The following NPHP4 variants were observed in gnomAD, a reference collection of about 807,000 sequenced individuals.
NPHP4 encodes nephrocystin 4, also known as nephrocystin-4.
NPHP4 carries 151 observed loss-of-function variants against 155.8 expected under a neutral mutation model. That is an observed-to-expected ratio of 0.97 (90% CI 0.85 to 1.11). The LOEUF is 1.11. Ranked by LOEUF, NPHP4 falls within the 50% of genes least tolerant of loss-of-function variation. NPHP4 has a pLI of 0.00. For missense variants in NPHP4, 1,956 were observed against 1,925.7 expected (o/e 1.02, Z -0.29); for synonymous variants, 845 against 816.8 (o/e 1.03, Z -0.59).
chr1:5,934,571 C>T (rs1646439959), intron 9 of NPHP4, among the ~76,000 whole-genome samples: 1 of 152,176 alleles, frequency 6.6e-6, no homozygotes, highest in Admixed American at 6.5e-5. Context: ...GACAGCTGCA[C>T]CCTTCAGGGG....
rs55734317 is a variant in NPHP4, at chr1:5,964,941, AT to A, written c.517+2357del. Among the ~76,000 whole-genome samples, 9 of 59,428 alleles carry A rather than the reference AT, an allele frequency of 1.5e-4. 1 individual carries two copies. Among genetic ancestry groups the A allele is most frequent in the South Asian group, 1.0e-3 (2 of 1,932 alleles). The allele number at this position is 59,428 out of a possible 152,430, so 39.0% of individuals were successfully genotyped here. A position where few individuals can be genotyped will look rare whatever the true frequency, so the allele number is the denominator to read the frequency against. ...ATTATATATATATATATATATATAT[AT>A]TTTTTTTTTTTGAGGCAGGGTCTCA... On this transcript the variant is annotated intron_variant, in intron 5 of 29. Transcript: ENST00000378156.
rs1167385413 is a variant in NPHP4, at chr1:5,944,808, A to T, written c.1119+2296T>A. Among the ~76,000 whole-genome samples, 2 of 152,184 alleles carry T rather than the reference A, an allele frequency of 1.3e-5. No individual in the cohort carries two copies. Among genetic ancestry groups the T allele is most frequent in the African/African-American group, 4.8e-5 (2 of 41,434 alleles). On this transcript the variant is annotated intron_variant, in intron 9 of 29. Coordinates refer to ENST00000378156, the MANE Select transcript of NPHP4 (RefSeq NM_015102.5). The surrounding 1 kb of genome is among the most constrained non-coding windows in gnomAD (Gnocchi z 4.3). ...AACGTGGGAAAACCCCGTCTCTATT[A>T]AAAATACAAAAATTAGCTGGGCATG...
chr1:5,982,172 T>C (rs1329472356), intron 2 of NPHP4, among the ~76,000 whole-genome samples: 1 of 152,326 alleles, frequency 6.6e-6, no homozygotes, highest in East Asian at 1.9e-4. Flanking sequence ...CTTTGCTGAT[T>C]TTCTCTATTA....
chr1:5,991,281 C>T (rs1656237216), intron 1 of NPHP4, among the ~76,000 whole-genome samples: 1 of 150,192 alleles, frequency 6.7e-6, no homozygotes, highest in Non-Finnish European at 1.5e-5. Flanking sequence ...TCGCTACCCC[C>T]ATAGAATGTA....
At chr1:5,904,884 G>A (rs1309598327) in intron 15 of NPHP4, 80 bp from the exon 16 acceptor site, 38 of 1,386,534 alleles carry the variant, frequency 2.7e-5, no homozygotes, top group Non-Finnish European at 3.7e-5. Flanking sequence ...TTGCATAGGG[G>A]ATGGTCCAGG....
At chr1:5,909,857 G>A (rs543414822) in intron 11 of NPHP4, among the ~76,000 whole-genome samples, 4 of 152,276 alleles carry the variant, frequency 2.6e-5, no homozygotes, top group African/African-American at 9.6e-5. Context: ...GCTGCCTAAA[G>A]AGCCAGCAGC....
chr1:5,929,659 T>C (rs962701818), intron 10 of NPHP4, among the ~76,000 whole-genome samples: 1 of 152,228 alleles, frequency 6.6e-6, no homozygotes, highest in Non-Finnish European at 1.5e-5. Flanking sequence ...CACTTGGCTA[T>C]AGTGTATTAT....
Position 5,863,406 on chromosome 1 carries a change from C to T in NPHP4, c.4141-1G>A. ...TGGTGTAGGTCTCTCCACCCCCGAC[C>T]TGGAAATAAGCATCCAAATCCCAGC... On this transcript the variant is annotated splice_acceptor_variant, in intron 29 of 29. Transcript: ENST00000378156. LOFTEE classifies it high-confidence loss of function. The T allele has an allele frequency of 2.5e-6, 4 of 1,604,788 alleles. No individual in the cohort carries two copies. Among genetic ancestry groups the T allele is most frequent in the South Asian group, 2.2e-5 (2 of 89,832 alleles).
rs1267227056 is a variant in NPHP4, at chr1:5,969,124, G to A, written c.415C>T (p.Gln139Ter). ...GFGILRIFSN[Q>*]PDSPISASQD... ...GAAGCAGAGATAGGAGAGTCCGGCTGGTTGCTGAAGATCCGAAGAATTCCA... is the reference window on the plus strand; with the variant it reads ...GAAGCAGAGATAGGAGAGTCCGGCTAGTTGCTGAAGATCCGAAGAATTCCA... The change falls in exon 4 of 30, where the codon CAG (glutamine) becomes TAG (stop). Residue 139 changes from glutamine (Q) to a stop codon, truncating the protein, a stop_gained. Coordinates refer to ENST00000378156, the MANE Select transcript of NPHP4 (RefSeq NM_015102.5). LOFTEE classifies it high-confidence loss of function. 1.3e-6 allele frequency: 2 copies of A among 1,551,324 alleles called. No individual in the cohort carries two copies. Among genetic ancestry groups the A allele is most frequent in the Non-Finnish European group, 1.7e-6 (2 of 1,146,688 alleles).
At chr1:5,961,704 G>T (rs1650353833) in intron 6 of NPHP4, 90 bp downstream of exon 6, 3 of 1,311,304 alleles carry the variant, frequency 2.3e-6, no homozygotes, top group African/African-American at 1.5e-5. Flanking sequence ...GGCCCACGCT[G>T]CCCCCAGAAG....
intron 23 of NPHP4, among the ~76,000 whole-genome samples, chr1:5,868,783 GCACA>G (rs1203535944): frequency 3.5e-5 from 3 of 86,456 alleles, no homozygotes; most frequent in Non-Finnish European, 6.9e-5. Context: ...ATGCACACAC[GCACA>G]CAATGCACAC....
At chr1:5,962,661 C>T (rs1247132462) in intron 5 of NPHP4, among the ~76,000 whole-genome samples, 5 of 152,156 alleles carry the variant, frequency 3.3e-5, no homozygotes, top group South Asian at 2.1e-4. Context: ...ATACCCATAA[C>T]GCACGGGAGA....
chr1:5,874,542 G>A lies in NPHP4; in HGVS notation c.3160C>T (p.Arg1054Cys), dbSNP rs373369949. Residue 1054 changes from arginine to cysteine, a missense_variant, in exon 22 of 30, where the codon CGC (arginine) becomes TGC (cysteine). By Grantham distance (180) the Arg-to-Cys change is radical (BLOSUM62 -3). Coordinates refer to ENST00000378156, the MANE Select transcript of NPHP4 (RefSeq NM_015102.5). ...RGSLAPQLYLRPHETAHVPFK... is the reference protein window; with the variant it reads ...RGSLAPQLYLCPHETAHVPFK... Reference sequence around the variant, plus strand: ...GGGACGTGGGCGGTCTCGTGGGGGCGCAGGTAGAGCTGGGGGGCCAGGCTG... The same window carrying A: ...GGGACGTGGGCGGTCTCGTGGGGGCACAGGTAGAGCTGGGGGGCCAGGCTG... 4.9e-5 allele frequency: 79 copies of A among 1,599,982 alleles called. No homozygotes were observed. The East Asian group carries it at 7.9e-4, about 16-fold the overall frequency.
Position 5,864,433 on chromosome 1 carries a change from G to T in NPHP4, c.3901C>A (p.Arg1301Ser), listed in dbSNP as rs766610686. ...VGVRPLRAGS[R>S]FVHLNLVDVD... ...TCCACCAGGTTGAGATGGACAAAGC[G>T]GCTGCCGGCCCTAAGGGGCCTCACG... Residue 1301 changes from arginine (R) to serine (S), a missense_variant, in exon 28 of 30, where the codon CGC (arginine) becomes AGC (serine). Physicochemically the swap from Arg to Ser is moderately radical, Grantham distance 110. Coordinates refer to ENST00000378156, the MANE Select transcript of NPHP4 (RefSeq NM_015102.5). 1 of 1,609,498 alleles carries T rather than the reference G, an allele frequency of 6.2e-7. No individual in the cohort carries two copies. The highest frequency in any genetic ancestry group is 1.3e-5 in the African/African-American group (1 of 74,870).
At position 5,877,290 on chromosome 1, in the gene NPHP4, C is replaced by A; in HGVS notation, c.2620G>T (p.Val874Leu). 6.3e-7 allele frequency: 1 copy of A among 1,592,478 alleles called. No individual in the cohort carries two copies. Among genetic ancestry groups the A allele is most frequent in the Non-Finnish European group, 8.6e-7 (1 of 1,163,622 alleles). The change falls in exon 20 of 30, where the codon GTG becomes TTG. Residue 874 changes from valine to leucine, a missense_variant. Coordinates refer to ENST00000378156, the MANE Select transcript of NPHP4 (RefSeq NM_015102.5). ...TCCGCCAGCTTCTGTGCTTGCACCA[C>A]GTGTTTTCCTGCGAAAGGGTCAGAG... ...LTTGSSRRKH[V>L]VQAQKLADVD...
chr1:5,964,937 A>ATTTTTTTTT (rs1400602210), intron 5 of NPHP4, among the ~76,000 whole-genome samples: 12,548 of 53,028 alleles, frequency 0.24, 1,817 homozygotes, highest in East Asian at 0.38. Flanking sequence ...ATATATATAT[A>ATTTTTTTTT]TATATTTTTT....
intron 9 of NPHP4, among the ~76,000 whole-genome samples, chr1:5,943,214 G>C (rs931898740): frequency 6.6e-6 from 1 of 152,156 alleles, no homozygotes; most frequent in Non-Finnish European, 1.5e-5. Flanking sequence ...AGATGCTTTG[G>C]TTAACTAAAA....
rs746256511 is a variant in NPHP4 at position 5,863,924 on chromosome 1, G to A, written c.4106C>T (p.Pro1369Leu). 1.4e-5 allele frequency: 22 copies of A among 1,613,750 alleles called. No individual in the cohort carries two copies. The highest frequency in any genetic ancestry group is 1.2e-4 in the South Asian group (11 of 91,074). The change falls in exon 29 of 30, where the codon CCG becomes CTG. Residue 1369 changes from proline to leucine, a missense_variant. By Grantham distance (98) the Pro-to-Leu change is moderately conservative. Coordinates refer to ENST00000378156, the MANE Select transcript of NPHP4 (RefSeq NM_015102.5). The part of the protein sequence containing the change: ...RRTFHLHSDH[P>L]ELLRFREDSF... ...GTCCTCTCTGAACCGCAGCAGCTCCGGGTGGTCGCTGTGCAGGTGGAATGT... is the reference window on the plus strand; with the variant it reads ...GTCCTCTCTGAACCGCAGCAGCTCCAGGTGGTCGCTGTGCAGGTGGAATGT...
At chr1:5,938,892 G>T (rs1387797212) in intron 9 of NPHP4, among the ~76,000 whole-genome samples, 1 of 152,212 alleles carries the variant, frequency 6.6e-6, no homozygotes, top group African/African-American at 2.4e-5. Context: ...GTTAGAGAAC[G>T]ATGTTAACAC....
Sources: allele counts gnomAD v4.1 joint callset (sites outside exome capture counted in the v4.1 genomes callset), GRCh38; gene constraint gnomAD v4.1.1; non-coding constraint Gnocchi (gnomAD v3.1); transcripts MANE v1.5; gene names NCBI Gene and HGNC (gene_info 2026-07-23, HGNC 2026-07-21).